The following FRMD6 variants were observed in gnomAD, a reference collection of about 807,000 sequenced individuals.
FRMD6 encodes the protein FERM domain-containing protein 6.
A neutral mutation model predicts 73.2 loss-of-function variants in FRMD6; 37 were observed. The observed-to-expected ratio is 0.51, with a 90% confidence interval of 0.39 to 0.66. The LOEUF (loss-of-function observed/expected upper bound fraction) is 0.66. Among genes scored for constraint, FRMD6 ranks in the 30% least tolerant of loss-of-function variants. The probability of loss-of-function intolerance (pLI) is 0.00; values close to 1 mark genes in which losing one functional copy is unlikely to be tolerated. For synonymous variants in FRMD6, 273 were observed against 282.2 expected, an observed-to-expected ratio of 0.97 and a Z score of 0.33; for missense variants, 714 against 780.5, an observed-to-expected ratio of 0.91 and a Z score of 1.02.
At chr14:51,542,116 A>C (rs1027179495) in intron 1 of FRMD6, among the ~76,000 whole-genome samples, 1 of 152,066 alleles carries the variant, frequency 6.6e-6, no homozygotes, top group African/African-American at 2.4e-5. Flanking sequence ...CTGAACTTTG[A>C]AAGTTTCATT....
intron 2 of FRMD6, among the ~76,000 whole-genome samples, chr14:51,696,342 T>G (rs954477175): frequency 6.6e-6 from 1 of 151,356 alleles, no homozygotes; most frequent in African/African-American, 2.4e-5. Context: ...TCCATAATAC[T>G]ACTTTAAACA....
At position 51,654,389 on chromosome 14, in the gene FRMD6, A is replaced by G. The variant is rs117784961; in HGVS notation, c.-147+2393A>G. On this transcript the variant is annotated intron_variant, in intron 1 of 13. Coordinates refer to ENST00000344768, the MANE Select transcript of FRMD6 (RefSeq NM_001267046.2). ...AAGCTTTTGGCTTTCTGAACTTATGATGTAATAGACTGCGTAGCCTTTTGT... is the reference window on the plus strand; with the variant it reads ...AAGCTTTTGGCTTTCTGAACTTATGGTGTAATAGACTGCGTAGCCTTTTGT... 3.9e-3 allele frequency among the ~76,000 whole-genome samples: 590 copies of G among 151,068 alleles called. 6 individuals are homozygous for G. The highest frequency in any genetic ancestry group is 0.039 in the East Asian group (199 of 5,128).
At chr14:51,661,643 A>G (rs906739999) in intron 1 of FRMD6, among the ~76,000 whole-genome samples, 1 of 152,212 alleles carries the variant, frequency 6.6e-6, no homozygotes, top group Non-Finnish European at 1.5e-5. Flanking sequence ...AGAAGAGTGG[A>G]TCAGTTAGCT....
chr14:51,482,347 C>A, the FRMD6 span, among the ~76,000 whole-genome samples: 2 of 152,220 alleles, frequency 1.3e-5, no homozygotes, highest in East Asian at 1.9e-4. Flanking sequence ...AACCCCACAC[C>A]CACTTTGGCT....
chr14:51,658,423 G>C (rs1892991479), intron 1 of FRMD6, among the ~76,000 whole-genome samples: 1 of 151,098 alleles, frequency 6.6e-6, no homozygotes. Context: ...ATTCACTCTT[G>C]TTGATCCATA....
At chr14:51,726,750 A>G (rs1430874218) in intron 13 of FRMD6, among the ~76,000 whole-genome samples, 1 of 152,190 alleles carries the variant, frequency 6.6e-6, no homozygotes, top group East Asian at 1.9e-4. Flanking sequence ...GGGGATGACC[A>G]AATGATTCTA....
the FRMD6 span, among the ~76,000 whole-genome samples, chr14:51,480,369 C>G: frequency 2.0e-5 from 3 of 152,204 alleles, no homozygotes; most frequent in East Asian, 5.8e-4. Context: ...CAGTTTATAG[C>G]CAGGCAGAGA....
chr14:51,531,599 G>T (rs1885586524), intron 1 of FRMD6, among the ~76,000 whole-genome samples: 1 of 152,124 alleles, frequency 6.6e-6, no homozygotes, highest in East Asian at 1.9e-4. Context: ...TACTTCAAAA[G>T]AAAAATGTGT....
chr14:51,485,329 C>T (rs1882742169), upstream of FRMD6, among the ~76,000 whole-genome samples: 1 of 152,214 alleles, frequency 6.6e-6, no homozygotes, highest in African/African-American at 2.4e-5. Flanking sequence ...TAGAAGAAAA[C>T]TGGTCATTGG....
At chr14:51,620,333 C>A (rs1890879666) in intron 2 of FRMD6, among the ~76,000 whole-genome samples, 1 of 152,088 alleles carries the variant, frequency 6.6e-6, no homozygotes, top group African/African-American at 2.4e-5. Context: ...CCAGCAGTAA[C>A]TCATGAAGGA....
intron 1 of FRMD6, among the ~76,000 whole-genome samples, chr14:51,550,548 G>A (rs986442708): frequency 6.6e-5 from 10 of 150,396 alleles, no homozygotes; most frequent in Admixed American, 2.0e-4. Context: ...CCTTGCCAGT[G>A]CCAGCCTCAT....
intron 2 of FRMD6, chr14:51,643,765 T>A (rs1369337047): frequency 6.6e-6 from 1 of 152,204 alleles, no homozygotes; most frequent in Non-Finnish European, 1.5e-5. Flanking sequence ...AAACCTTGGA[T>A]GGAGGTGGCG....
chr14:51,553,758 T>C (rs1886966831), intron 1 of FRMD6, among the ~76,000 whole-genome samples: 1 of 152,160 alleles, frequency 6.6e-6, no homozygotes, highest in African/African-American at 2.4e-5. Context: ...GCTTTGGTCC[T>C]GAAGGAGTTG....
chr14:51,535,750 A>G (rs1042304587), intron 1 of FRMD6, among the ~76,000 whole-genome samples: 2 of 152,102 alleles, frequency 1.3e-5, no homozygotes, highest in African/African-American at 4.8e-5. Context: ...TTGCTGGGTT[A>G]TATGTTTTGA....
At chr14:51,454,640 G>A in the FRMD6 span, 1 of 152,194 alleles carries the variant, frequency 6.6e-6, no homozygotes, top group Non-Finnish European at 1.5e-5. Context: ...CAGCAGTCTG[G>A]TGTCATAGGC....
At chr14:51,478,788 G>A in the FRMD6 span, among the ~76,000 whole-genome samples, 1 of 152,190 alleles carries the variant, frequency 6.6e-6, no homozygotes, top group Admixed American at 6.5e-5. Context: ...CGGGGACCAC[G>A]AGGAGAAAAC....
the FRMD6 span, among the ~76,000 whole-genome samples, chr14:51,480,207 A>G: frequency 6.6e-6 from 1 of 152,210 alleles, no homozygotes; most frequent in Middle Eastern, 3.2e-3. Flanking sequence ...TGGGAAAAAC[A>G]GCAGAGCAAT....
intron 2 of FRMD6, among the ~76,000 whole-genome samples, chr14:51,588,998 T>G (rs1393155489): frequency 1.3e-5 from 2 of 152,212 alleles, no homozygotes; most frequent in Non-Finnish European, 2.9e-5. Flanking sequence ...ACTCTGATAT[T>G]AAACACCCAT....
intron 1 of FRMD6, among the ~76,000 whole-genome samples, chr14:51,656,080 GT>G (rs777276420): frequency 1.3e-5 from 2 of 152,212 alleles, no homozygotes; most frequent in Non-Finnish European, 2.9e-5. Context: ...TTATTATGAA[GT>G]TTTAGGTAGA....
Sources: allele counts gnomAD v4.1 joint callset (sites outside exome capture counted in the v4.1 genomes callset), GRCh38; gene constraint gnomAD v4.1.1; transcripts MANE v1.5; gene names NCBI Gene and HGNC (gene_info 2026-07-23, HGNC 2026-07-21).